The following DOCK2 variants were observed in gnomAD, a reference collection of about 807,000 sequenced individuals.
DOCK2 encodes dedicator of cytokinesis protein 2.
In DOCK2, 87 loss-of-function variants were observed where a neutral mutation model predicts 248.9. The ratio of observed to expected loss-of-function variants is 0.35; its 90% confidence interval spans 0.29 to 0.42. The LOEUF is 0.42. DOCK2 is among the 10% of genes least tolerant of loss of function. The pLI is 1.00. For synonymous variants in DOCK2, 805 were observed against 821.6 expected (o/e 0.98, Z 0.35); for missense variants, 1,747 against 2,300.2 (o/e 0.76, Z 4.92).
intron 23 of DOCK2, among the ~76,000 whole-genome samples, chr5:169,750,096 A>C (rs1026090555): frequency 6.6e-6 from 1 of 152,232 alleles, no homozygotes; most frequent in Non-Finnish European, 1.5e-5. Context: ...AGCAGAAATG[A>C]TGAGCCAATA....
intron 27 of DOCK2, among the ~76,000 whole-genome samples, chr5:169,981,945 G>A (rs1054362557): frequency 2.6e-5 from 4 of 151,844 alleles, no homozygotes; most frequent in East Asian, 1.9e-4. Context: ...ACTTTATTGC[G>A]GTGGTCTGGA....
chr5:169,639,940 A>G (rs1197121818), intron 1 of DOCK2, among the ~76,000 whole-genome samples: 1 of 152,214 alleles, frequency 6.6e-6, no homozygotes, highest in Non-Finnish European at 1.5e-5. Flanking sequence ...CGAGGCTGGA[A>G]GTCTAAGATC....
chr5:170,081,979 A>G lies in DOCK2; in HGVS notation c.5425A>G (p.Thr1809Ala), dbSNP rs146886839. The G allele has an allele frequency of 1.8e-4, 284 of 1,613,900 alleles. No homozygotes were observed. The African/African-American group carries it at 3.5e-3, about 20-fold the overall frequency. ...GAAGAAGGTCAATCAGTTCTTCAAGACAATGGTGAGGACATTGAGGGTGGA... is the reference window on the plus strand; with the variant it reads ...GAAGAAGGTCAATCAGTTCTTCAAGGCAATGGTGAGGACATTGAGGGTGGA... ...TRKKVNQFFK[T>A]MLASKSAEEG... is the part of the protein sequence containing the mutation. The change falls in exon 51 of 52, where the codon ACA becomes GCA. Residue 1809 changes from threonine to alanine, a missense_variant. Coordinates refer to ENST00000520908, the MANE Select transcript of DOCK2 (RefSeq NM_004946.3).
intron 27 of DOCK2, among the ~76,000 whole-genome samples, chr5:169,855,210 G>C (rs1770825018): frequency 6.6e-6 from 1 of 152,194 alleles, no homozygotes; most frequent in Non-Finnish European, 1.5e-5. Flanking sequence ...AAAGCCTTTA[G>C]TAACAGCTCA....
intron 33 of DOCK2, 105 bp downstream of exon 33, chr5:170,019,213 G>A: frequency 6.4e-7 from 1 of 1,551,608 alleles, no homozygotes; most frequent in East Asian, 2.3e-5. Flanking sequence ...GAGAGGCTCG[G>A]CGGCAGGATA....
chr5:169,697,553 C>T lies in DOCK2; in HGVS notation c.980-821C>T, dbSNP rs79235885. On this transcript the variant is annotated intron_variant, in intron 10 of 51. Transcript: ENST00000520908. ...AACTTTGGAGCCAAAGGGAAATTGC[C>T]CTGCCCTAATCACAGCCCTGAGGAT... Among the ~76,000 whole-genome samples the T allele has an allele frequency of 2.9e-3, 436 of 152,250 alleles. 17 individuals carry two copies. In the East Asian group the frequency reaches 0.072, roughly 25 times the overall value.
chr5:169,871,354 A>G (rs759313750), intron 27 of DOCK2, among the ~76,000 whole-genome samples: 4 of 152,242 alleles, frequency 2.6e-5, no homozygotes. Context: ...ACATTAGATT[A>G]GGATACATGG....
rs1388672873 is a variant in DOCK2 at position 169,695,681 on chromosome 5, T to C, written c.844-122T>C. 6 of 1,334,844 alleles carry C rather than the reference T, an allele frequency of 4.5e-6. No individual in the cohort carries two copies. The South Asian group carries it at 7.0e-5, about 16-fold the overall frequency. The allele number at this position is 1,334,844 out of a possible 1,614,324, so 82.7% of individuals were successfully genotyped here. On this transcript the variant is annotated intron_variant, in intron 9 of 51. Coordinates refer to ENST00000520908, the MANE Select transcript of DOCK2 (RefSeq NM_004946.3). ...ATCTTTTCCAGGACTTATTGTATGATTGGTCCATGTATAGCAAGTATTATA... is the reference window on the plus strand; with the variant it reads ...ATCTTTTCCAGGACTTATTGTATGACTGGTCCATGTATAGCAAGTATTATA...
intron 27 of DOCK2, among the ~76,000 whole-genome samples, chr5:169,901,889 G>C (rs1047111778): frequency 6.6e-6 from 1 of 152,156 alleles, no homozygotes; most frequent in East Asian, 1.9e-4. Flanking sequence ...TCCTCTGCAT[G>C]GTGGCCGCCT....
intron 44 of DOCK2, among the ~76,000 whole-genome samples, chr5:170,064,324 G>A (rs1211906040): frequency 6.6e-6 from 1 of 152,112 alleles, no homozygotes; most frequent in Non-Finnish European, 1.5e-5. Flanking sequence ...GATTTACTCA[G>A]CAGGGAATCC....
chr5:169,983,020 C>T, intron 27 of DOCK2, 48 bp from the exon 28 acceptor site: 2 of 1,598,374 alleles, frequency 1.3e-6, no homozygotes, highest in Non-Finnish European at 1.7e-6. Flanking sequence ...GGAAGTTTTC[C>T]ATGGTCCTCT....
intron 6 of DOCK2, among the ~76,000 whole-genome samples, chr5:169,681,113 CTTTTTTTT>C (rs764614478): frequency 1.1e-5 from 1 of 94,198 alleles, no homozygotes; most frequent in East Asian, 3.2e-4. Flanking sequence ...TTTAGTAGAC[CTTTTTTTT>C]TTTTTTTTTT....
At chr5:169,866,028 A>G (rs1281830976) in intron 27 of DOCK2, among the ~76,000 whole-genome samples, 2 of 152,048 alleles carry the variant, frequency 1.3e-5, no homozygotes, top group Non-Finnish European at 2.9e-5. Context: ...CTGAAGAGTC[A>G]GAGGGGCGAG....
intron 10 of DOCK2, among the ~76,000 whole-genome samples, chr5:169,697,036 C>T (rs1760673745): frequency 6.6e-6 from 1 of 152,120 alleles, no homozygotes; most frequent in African/African-American, 2.4e-5. Context: ...AGTAAGGATC[C>T]TTCAACCTTA....
Position 169,887,347 on chromosome 5 carries a change from A to C in DOCK2, c.2799+46495A>C, listed in dbSNP as rs141034915. ...ATTTGTTCATTGTAAAAATTCAAATAATACAAATAAACAACAAAAGGAAGA... is the reference window on the plus strand; with the variant it reads ...ATTTGTTCATTGTAAAAATTCAAATCATACAAATAAACAACAAAAGGAAGA... On this transcript the variant is annotated intron_variant, in intron 27 of 51. Coordinates refer to ENST00000520908, the MANE Select transcript of DOCK2 (RefSeq NM_004946.3). Among the ~76,000 whole-genome samples the C allele has an allele frequency of 7.9e-5, 12 of 152,356 alleles. No individual in the cohort carries two copies. In the East Asian group the frequency reaches 2.1e-3, roughly 27 times the overall value.
At chr5:169,799,970 A>G (rs1373789015) in intron 25 of DOCK2, among the ~76,000 whole-genome samples, 3 of 152,012 alleles carry the variant, frequency 2.0e-5, no homozygotes, top group Non-Finnish European at 2.9e-5. Flanking sequence ...ATGCCCAGCT[A>G]ATTTTTAAAT....
At chr5:169,845,806 C>T (rs1271851932) in intron 27 of DOCK2, among the ~76,000 whole-genome samples, 2 of 152,128 alleles carry the variant, frequency 1.3e-5, no homozygotes, top group Non-Finnish European at 2.9e-5. Flanking sequence ...GAGCCAGAGG[C>T]CTGCGGCAAG....
chr5:169,665,654 T>C (rs999204853), intron 2 of DOCK2, among the ~76,000 whole-genome samples: 5 of 152,178 alleles, frequency 3.3e-5, no homozygotes, highest in African/African-American at 1.2e-4. Flanking sequence ...CTTTGCCAGA[T>C]GCATACACTT....
chr5:169,984,229 AC>A (rs1251288246), intron 28 of DOCK2, among the ~76,000 whole-genome samples: 1 of 152,154 alleles, frequency 6.6e-6, no homozygotes, highest in Admixed American at 6.5e-5. Context: ...CTTATACCAC[AC>A]TATCTCCTCA....
Sources: gnomAD v4.1 joint callset for allele counts (sites outside exome capture counted in the v4.1 genomes callset) on GRCh38, gnomAD v4.1.1 for gene constraint, MANE v1.5 for transcripts, NCBI Gene and HGNC (gene_info 2026-07-23, HGNC 2026-07-21) for gene names.